The following ABLIM1 variants were observed in gnomAD, a reference collection of about 807,000 sequenced individuals.
ABLIM1 encodes actin-binding LIM protein 1.
A neutral mutation model predicts 107.0 loss-of-function variants in ABLIM1; 40 were observed. The observed-to-expected ratio is 0.37, with a 90% confidence interval of 0.29 to 0.49. The LOEUF (loss-of-function observed/expected upper bound fraction) is 0.49, where lower values mean the gene tolerates loss of function less well. ABLIM1 is among the 20% of genes least tolerant of loss of function. The probability of loss-of-function intolerance (pLI) is 0.97; values close to 1 mark genes in which losing one functional copy is unlikely to be tolerated. For synonymous variants in ABLIM1, 357 were observed against 357.3 expected, an observed-to-expected ratio of 1.00 and a Z score of 0.01; for missense variants, 857 against 1,008.5, an observed-to-expected ratio of 0.85 and a Z score of 2.04.
At chr10:114,799,221 C>T in the ABLIM1 span, among the ~76,000 whole-genome samples, 2 of 152,216 alleles carry the variant, frequency 1.3e-5, no homozygotes, top group African/African-American at 2.4e-5. Flanking sequence ...CAATTCCCAG[C>T]CTCCAAATCT....
At chr10:114,533,427 C>T (rs558199107) in intron 6 of ABLIM1, among the ~76,000 whole-genome samples, 3 of 152,274 alleles carry the variant, frequency 2.0e-5, no homozygotes, top group Non-Finnish European at 2.9e-5. Context: ...TTAAATCAAA[C>T]AGTACAATCA....
intron 14 of ABLIM1, among the ~76,000 whole-genome samples, chr10:114,449,029 C>T (rs2061468496): frequency 1.3e-5 from 2 of 152,218 alleles, no homozygotes; most frequent in African/African-American, 4.8e-5. Context: ...CTTATGTTTG[C>T]CGTTTCCACT....
rs141671745 is a variant in ABLIM1 at position 114,435,172 on chromosome 10, T to A, written c.*1088A>T. ...CAAATTAAATACGTTCGAAGGAGTC[T>A]ACTTTGGAGTTGCAGAGATTTAAAA... On this transcript the variant is annotated 3_prime_UTR_variant, in exon 23 of 23. Transcript: ENST00000533213. 76 of 152,358 alleles carry A rather than the reference T, an allele frequency of 5.0e-4. No homozygotes were observed. The highest frequency in any genetic ancestry group is 1.7e-3 in the African/African-American group (70 of 41,574). 9.4% of individuals were successfully genotyped at this position (152,358 alleles called of 1,614,324 possible).
the ABLIM1 span, among the ~76,000 whole-genome samples, chr10:114,799,241 T>G: frequency 6.6e-6 from 1 of 152,238 alleles, no homozygotes; most frequent in Non-Finnish European, 1.5e-5. Flanking sequence ...TTGGAGTACC[T>G]CTGGGTCATT....
At chr10:114,558,753 CT>C (rs1425919688) in intron 4 of ABLIM1, among the ~76,000 whole-genome samples, 27 of 152,234 alleles carry the variant, frequency 1.8e-4, no homozygotes, top group African/African-American at 6.0e-4. Context: ...GTTCATTTCT[CT>C]GAACAATAAA....
intron 1 of ABLIM1, 99 bp from the exon 2 acceptor site, chr10:114,602,060 G>C: frequency 1.3e-6 from 2 of 1,488,206 alleles, no homozygotes; most frequent in Non-Finnish European, 1.8e-6. Flanking sequence ...ATGAGCCACA[G>C]AGATTGATTC....
At chr10:114,751,016 A>G (rs1334737727) in intron 1 of ABLIM1, among the ~76,000 whole-genome samples, 1 of 152,226 alleles carries the variant, frequency 6.6e-6, no homozygotes, top group African/African-American at 2.4e-5. Flanking sequence ...AAAGGAAGAG[A>G]AAGAAAAAAT....
At chr10:114,577,411 C>A (rs1172622301) in intron 2 of ABLIM1, among the ~76,000 whole-genome samples, 1 of 152,098 alleles carries the variant, frequency 6.6e-6, no homozygotes, top group East Asian at 1.9e-4. Context: ...TAAATTCTCT[C>A]CTCCAGTCAG....
chr10:114,592,733 A>C (rs2075028933), intron 2 of ABLIM1, among the ~76,000 whole-genome samples: 1 of 152,172 alleles, frequency 6.6e-6, no homozygotes, highest in Non-Finnish European at 1.5e-5. Context: ...TGGGGCCATC[A>C]GGATTTGTTG....
At chr10:114,530,202 A>G (rs1393480685) in intron 6 of ABLIM1, among the ~76,000 whole-genome samples, 1 of 152,210 alleles carries the variant, frequency 6.6e-6, no homozygotes, top group African/African-American at 2.4e-5. Flanking sequence ...TAAAGCCTCA[A>G]CAAAGCTGCT....
chr10:114,712,353 G>GAAAA (rs10583793), intron 1 of ABLIM1, among the ~76,000 whole-genome samples: 14 of 44,084 alleles, frequency 3.2e-4, no homozygotes, highest in Admixed American at 7.5e-4. Flanking sequence ...ACTCCGTCTC[G>GAAAA]AAAAAAAAAA....
At chr10:114,754,965 C>T (rs1200976788) in intron 1 of ABLIM1, among the ~76,000 whole-genome samples, 1 of 152,026 alleles carries the variant, frequency 6.6e-6, no homozygotes, top group Non-Finnish European at 1.5e-5. Context: ...CAGCAAATGA[C>T]TAAGAACTGC....
intron 1 of ABLIM1, among the ~76,000 whole-genome samples, chr10:114,750,567 A>T (rs971957938): frequency 6.6e-5 from 10 of 152,220 alleles, no homozygotes; most frequent in Non-Finnish European, 1.2e-4. Flanking sequence ...CTCCAAAAGC[A>T]AACTACTGAA....
chr10:114,521,053 T>A (rs1280148243), intron 6 of ABLIM1, among the ~76,000 whole-genome samples: 1 of 152,204 alleles, frequency 6.6e-6, no homozygotes, highest in Non-Finnish European at 1.5e-5. Flanking sequence ...TATGAACTGA[T>A]AGGCTCATGT....
upstream of ABLIM1, chr10:114,658,346 T>C (rs2079627107): frequency 7.0e-7 from 1 of 1,432,418 alleles, no homozygotes; most frequent in South Asian, 1.6e-5. Flanking sequence ...TGTATTTAAG[T>C]GATTACCCTC....
intron 1 of ABLIM1, among the ~76,000 whole-genome samples, chr10:114,694,899 A>C (rs2081163640): frequency 6.6e-6 from 1 of 152,192 alleles, no homozygotes. Context: ...CAAAACCCGG[A>C]CATTGAGCCG....
At chr10:114,617,428 A>AT (rs955557107) in intron 1 of ABLIM1, among the ~76,000 whole-genome samples, 172 of 146,206 alleles carry the variant, frequency 1.2e-3, no homozygotes, top group Middle Eastern at 3.5e-3. Flanking sequence ...CGTTTGGCTA[A>AT]TTTTTTTTTT....
intron 6 of ABLIM1, among the ~76,000 whole-genome samples, chr10:114,505,402 A>G (rs2060985258): frequency 6.6e-6 from 1 of 152,190 alleles, no homozygotes; most frequent in Non-Finnish European, 1.5e-5. Context: ...CCTTTCCAAC[A>G]CAATAGCATG....
chr10:114,718,766 C>T (rs899513376), intron 1 of ABLIM1, among the ~76,000 whole-genome samples: 1 of 152,130 alleles, frequency 6.6e-6, no homozygotes, highest in Admixed American at 6.5e-5. Flanking sequence ...AATCTGGCTT[C>T]GTATCACTCA....
Sources: allele counts gnomAD v4.1 joint callset (sites outside exome capture counted in the v4.1 genomes callset), GRCh38; gene constraint gnomAD v4.1.1; transcripts MANE v1.5; gene names NCBI Gene and HGNC (gene_info 2026-07-23, HGNC 2026-07-21).